ALDH1A1: variants seen among roughly 807,000 people sequenced by gnomAD.
ALDH1A1 encodes aldehyde dehydrogenase 1 family member A1.
ALDH1A1 carries 19 observed loss-of-function variants against 62.1 expected under a neutral mutation model. The observed-to-expected ratio is 0.31, with a 90% CI of 0.21 to 0.45. ALDH1A1 has a LOEUF of 0.45. Among genes scored for constraint, ALDH1A1 ranks in the 20% least tolerant of loss-of-function variants. ALDH1A1 has a pLI of 1.00. For synonymous variants in ALDH1A1, 231 were observed against 215.9 expected (o/e 1.07, Z -0.61); for missense variants, 521 against 607.1 (o/e 0.86, Z 1.49).
chr9:72,912,182 G>T, intron 9 of ALDH1A1, 60 bp from the exon 10 acceptor site: 1 of 1,451,700 alleles, frequency 6.9e-7, no homozygotes, highest in East Asian at 2.3e-5. Context: ...ATAACACATT[G>T]CTGGGCCTGT....
rs779130334 is a variant in ALDH1A1, at chr9:72,912,157, T to C, written c.1036-35A>G. 6 of 1,580,150 alleles carry C rather than the reference T, an allele frequency of 3.8e-6. No homozygotes were observed. The Admixed American group carries it at 6.9e-5, about 18-fold the overall frequency. On this transcript the variant is annotated intron_variant, in intron 9 of 12. Transcript: ENST00000297785. Reference sequence around the variant, plus strand: ...AAATATCACATGAAAAGAAAAAAAGTAGTCACTTGTAAAGATAACACATTG... The same window carrying C: ...AAATATCACATGAAAAGAAAAAAAGCAGTCACTTGTAAAGATAACACATTG...
chr9:72,909,217 A>C (rs563214509), intron 11 of ALDH1A1, among the ~76,000 whole-genome samples: 79 of 133,138 alleles, frequency 5.9e-4, no homozygotes, highest in African/African-American at 2.0e-3. Context: ...GCTAGAGTGC[A>C]ATGGCATGAT....
Position 72,942,300 on chromosome 9 carries a change from C to T in ALDH1A1, c.67-2048G>A, listed in dbSNP as rs542292680. ...GGGAAAGAACTTAATCAACTTGTCC[C>T]GAACTCAGCTCACTGTCATCTCTAG... is the stretch of plus-strand genomic sequence containing the variant. On this transcript the variant is annotated intron_variant, in intron 1 of 12. Transcript: ENST00000297785. The T allele has an allele frequency of 1.6e-4, 156 of 985,244 alleles. No homozygotes were observed. In the South Asian group the frequency reaches 5.0e-3, roughly 32 times the overall value. The allele number at this position is 985,244 out of a possible 1,614,324, so 61.0% of individuals were successfully genotyped here.
At chr9:72,942,586 A>T (rs1045379759) in intron 1 of ALDH1A1, among the ~76,000 whole-genome samples, 1 of 152,132 alleles carries the variant, frequency 6.6e-6, no homozygotes, top group African/African-American at 2.4e-5. Flanking sequence ...AGAATACTTT[A>T]GTGATCCTCT....
At chr9:72,931,222 C>T (rs1177242560) in intron 2 of ALDH1A1, among the ~76,000 whole-genome samples, 2 of 152,196 alleles carry the variant, frequency 1.3e-5, no homozygotes, top group African/African-American at 2.4e-5. Flanking sequence ...ATGAGCTCCA[C>T]GTACCTAGCA....
intron 2 of ALDH1A1, among the ~76,000 whole-genome samples, chr9:72,934,354 A>G (rs749813224): frequency 6.6e-6 from 1 of 152,078 alleles, no homozygotes; most frequent in Non-Finnish European, 1.5e-5. Flanking sequence ...TCCTCAAACT[A>G]TCTTGGCTAC....
chr9:72,912,019 T>C lies in ALDH1A1; in HGVS notation c.1139A>G (p.Tyr380Cys), dbSNP rs1588132404. 1 of 1,613,948 alleles carries C rather than the reference T, an allele frequency of 6.2e-7. No homozygotes were observed. The highest frequency in any genetic ancestry group is 2.2e-5 in the East Asian group (1 of 44,874). ...AGAGAACACTGTGGGCTGGACAAAG[T>C]AGCCTTTATTCCCCCACGGGCCTCC... ...CGGGPWGNKG[Y>C]FVQPTVFSNV... Residue 380 changes from tyrosine to cysteine, a missense_variant, in exon 10 of 13, where the codon TAC (tyrosine) becomes TGC (cysteine). By Grantham distance (194) the Tyr-to-Cys change is radical (BLOSUM62 -2). Coordinates refer to ENST00000297785, the MANE Select transcript of ALDH1A1 (RefSeq NM_000689.5).
At chr9:72,940,782 T>C (rs1194043911) in intron 1 of ALDH1A1, among the ~76,000 whole-genome samples, 1 of 152,222 alleles carries the variant, frequency 6.6e-6, no homozygotes, top group Non-Finnish European at 1.5e-5. Flanking sequence ...TAAAAGCATA[T>C]GGTTTTATTC....
At chr9:72,919,107 C>T (rs918075316) in intron 7 of ALDH1A1, among the ~76,000 whole-genome samples, 1 of 152,094 alleles carries the variant, frequency 6.6e-6, no homozygotes, top group African/African-American at 2.4e-5. Flanking sequence ...CTCCCTCATC[C>T]AAGCATACAG....
At chr9:72,946,965 G>A (rs1830483690) in intron 1 of ALDH1A1, among the ~76,000 whole-genome samples, 1 of 151,862 alleles carries the variant, frequency 6.6e-6, no homozygotes, top group East Asian at 1.9e-4. Context: ...CAAGTATGTA[G>A]TGACAAATTC....
chr9:72,908,540 A>T (rs1234284289), intron 11 of ALDH1A1, among the ~76,000 whole-genome samples: 1 of 83,062 alleles, frequency 1.2e-5, no homozygotes, highest in Non-Finnish European at 2.7e-5. Context: ...AGAAAGAAAG[A>T]AAGAAAAGAA....
chr9:72,914,048 G>A (rs1007564242), intron 9 of ALDH1A1, among the ~76,000 whole-genome samples: 7 of 152,170 alleles, frequency 4.6e-5, no homozygotes, highest in African/African-American at 1.7e-4. Context: ...GGATGTAGCT[G>A]GGGCTCTTTC....
intron 7 of ALDH1A1, 76 bp from the exon 8 acceptor site, chr9:72,918,898 T>C: frequency 9.9e-7 from 1 of 1,006,990 alleles, no homozygotes; most frequent in Non-Finnish European, 1.5e-6. Context: ...TCTAAATTTA[T>C]GTGATGTTTG....
chr9:72,927,686 A>G (rs1317531447), intron 4 of ALDH1A1, among the ~76,000 whole-genome samples: 2 of 152,276 alleles, frequency 1.3e-5, no homozygotes, highest in East Asian at 3.9e-4. Flanking sequence ...GTTATAATAT[A>G]ATTTTTAGAA....
At position 72,924,766 on chromosome 9, in the gene ALDH1A1, T is replaced by C. The variant is rs552756782; in HGVS notation, c.634-634A>G. Among the ~76,000 whole-genome samples, 17 of 152,338 alleles carry C rather than the reference T, an allele frequency of 1.1e-4. No individual in the cohort carries two copies. In the South Asian group the frequency reaches 3.5e-3, roughly 32 times the overall value. On this transcript the variant is annotated intron_variant, in intron 6 of 12. Transcript: ENST00000297785. ...CATTTTGACATCTCTTTTCCCTGTT[T>C]TTAATTTCAATAAATAATATCTTTA... is the stretch of plus-strand genomic sequence containing the variant.
At chr9:72,925,199 A>T (rs1168830701) in intron 6 of ALDH1A1, among the ~76,000 whole-genome samples, 2 of 152,216 alleles carry the variant, frequency 1.3e-5, no homozygotes, top group Non-Finnish European at 2.9e-5. Context: ...ATTAATTTCA[A>T]CATGAATTTA....
Position 72,927,048 on chromosome 9 carries a change from G to C in ALDH1A1, c.504+68C>G, listed in dbSNP as rs766798768. Reference sequence around the variant, plus strand: ...TAAGCATCCATCTGTTTTAGAGAAAGCTTCATCATTAGATAGAATAAGAAC... The same window carrying C: ...TAAGCATCCATCTGTTTTAGAGAAACCTTCATCATTAGATAGAATAAGAAC... On this transcript the variant is annotated intron_variant, in intron 5 of 12. Transcript: ENST00000297785. The C allele has an allele frequency of 1.9e-4, 214 of 1,117,980 alleles. 1 individual carries two copies. The highest frequency in any genetic ancestry group is 2.6e-4 in the Non-Finnish European group (201 of 774,958). 69.3% of individuals were successfully genotyped at this position (1,117,980 alleles called of 1,614,324 possible). A position where few individuals can be genotyped will look rare whatever the true frequency, so the allele number is the denominator to read the frequency against.
At chr9:72,918,978 T>C (rs903277592) in intron 7 of ALDH1A1, among the ~76,000 whole-genome samples, 156 bp from the exon 8 acceptor site, 3 of 152,110 alleles carry the variant, frequency 2.0e-5, no homozygotes, top group African/African-American at 7.2e-5. Flanking sequence ...TCTCACACTG[T>C]CGACTGGGCT....
intron 12 of ALDH1A1, among the ~76,000 whole-genome samples, chr9:72,905,580 G>C (rs183938107): frequency 1.3e-5 from 2 of 152,120 alleles, no homozygotes; most frequent in Non-Finnish European, 2.9e-5. Context: ...CAAATAACTA[G>C]AGTGTTTACA....
Sources: allele counts gnomAD v4.1 joint callset (sites outside exome capture counted in the v4.1 genomes callset), GRCh38; gene constraint gnomAD v4.1.1; transcripts MANE v1.5; gene names NCBI Gene and HGNC (gene_info 2026-07-23, HGNC 2026-07-21).